The following DSE variants were observed in gnomAD, a reference collection of about 807,000 sequenced individuals.
DSE encodes dermatan sulfate epimerase.
A neutral mutation model predicts 84.4 loss-of-function variants in DSE; 36 were observed. That is an observed-to-expected ratio of 0.43 (90% CI 0.33 to 0.56). The LOEUF is 0.56. Among genes scored for constraint, DSE ranks in the 20% least tolerant of loss-of-function variants. The pLI is 0.06. For synonymous variants in DSE, 410 were observed against 430.1 expected (o/e 0.95, Z 0.58); for missense variants, 862 against 1,169.6 (o/e 0.74, Z 3.84).
Position 116,436,417 on chromosome 6 carries a change from C to G in DSE, c.1949C>G (p.Thr650Ser). The change falls in exon 6 of 6, where the codon ACC (threonine) becomes AGC (serine). Residue 650 changes from threonine to serine, a missense_variant. This residue lies in a region of DSE where 186 missense variants were observed against 255.1 expected (regional missense o/e 0.73). Coordinates refer to ENST00000644252, the MANE Select transcript of DSE (RefSeq NM_013352.4). ...AATGGGACAAACTATGTGAATGTCA[C>G]CATGCACCTCCGAAGTCCCATCACC... ...PYNGTNYVNV[T>S]MHLRSPITRA... The G allele has an allele frequency of 6.2e-7, 1 of 1,614,164 alleles. No homozygotes were observed. The highest frequency in any genetic ancestry group is 8.5e-7 in the Non-Finnish European group (1 of 1,180,012).
intron 2 of DSE, among the ~76,000 whole-genome samples, chr6:116,406,864 C>G (rs1781962999): frequency 2.0e-5 from 3 of 152,094 alleles, no homozygotes; most frequent in Non-Finnish European, 2.9e-5. Context: ...CATTGCTTAT[C>G]CCACATAAGC....
chr6:116,326,010 C>T (rs1295906883), intron 2 of DSE, among the ~76,000 whole-genome samples: 1 of 152,198 alleles, frequency 6.6e-6, no homozygotes, highest in Non-Finnish European at 1.5e-5. Flanking sequence ...CAGGGATTTT[C>T]ACAGTGCTTT....
chr6:116,258,631 G>C, exon 2 of DSE: 2 of 1,612,408 alleles, frequency 1.2e-6, no homozygotes, highest in Non-Finnish European at 1.7e-6. Flanking sequence ...GTTCCGGAAG[G>C]CAGCCTCACG....
At chr6:116,291,784 T>G (rs1774294450) in intron 2 of DSE, among the ~76,000 whole-genome samples, 1 of 152,124 alleles carries the variant, frequency 6.6e-6, no homozygotes, top group African/African-American at 2.4e-5. Context: ...GATGAGGATA[T>G]CTTTAGGAAT....
In DSE at chr6:116,276,932, A is replaced by C. The variant is rs1014119103; in HGVS notation, c.-54+17965A>C. 1.3e-5 allele frequency: 2 copies of C among 152,224 alleles called. 1 individual carries two copies. The highest frequency in any genetic ancestry group is 1.3e-4 in the Admixed American group (2 of 15,288). The allele number at this position is 152,224 out of a possible 1,614,324, so 9.4% of individuals were successfully genotyped here. A position where few individuals can be genotyped will look rare whatever the true frequency, so the allele number is the denominator to read the frequency against. ...ACTTTTGTAGATTATTTTTCCATGA[A>C]GGCAATTTGACAAGCCTAACAAAGA... On this transcript the variant is annotated intron_variant, in intron 2 of 3. Coordinates refer to the DSE transcript ENST00000430252.
rs1261473868 is a variant in DSE, at chr6:116,337,819, TAGTA to T, written c.-53-61376_-53-61373del. ...TTTACATACTTCTTATGACCATTAT[TAGTA>T]AGCAAAAATGTGTAATTTTGTTTTT... On this transcript the variant is annotated intron_variant, in intron 2 of 3. Coordinates refer to the DSE transcript ENST00000430252. Among the ~76,000 whole-genome samples the T allele has an allele frequency of 3.3e-5, 5 of 152,212 alleles. No individual in the cohort carries two copies. The South Asian group carries it at 6.2e-4, about 19-fold the overall frequency.
chr6:116,281,847 C>T (rs1413217295), intron 2 of DSE, among the ~76,000 whole-genome samples: 1 of 152,218 alleles, frequency 6.6e-6, no homozygotes, highest in Non-Finnish European at 1.5e-5. Flanking sequence ...TGCTCTCCTT[C>T]CTATCTGCCA....
At position 116,436,026 on chromosome 6, in the gene DSE, A is replaced by G; in HGVS notation, c.1558A>G (p.Ser520Gly). Residue 520 changes from serine to glycine, a missense_variant, in exon 6 of 6, where the codon AGT (serine) becomes GGT (glycine). Physicochemically the swap from Ser to Gly is moderately conservative, Grantham distance 56. Around this residue, in one of 4 missense-constraint regions of DSE, gnomAD observed 186 missense variants for 255.1 expected, o/e 0.73. Transcript: ENST00000644252. Reference protein sequence around the residue: ...WSKYKHDLAASCQGRVVAAEE... With the variant: ...WSKYKHDLAAGCQGRVVAAEE... ...TAAATACAAGCATGACCTGGCAGCT[A>G]GTTGTCAGGGGAGGGTGGTTGCAGC... 1 of 1,614,144 alleles carries G rather than the reference A, an allele frequency of 6.2e-7. No individual in the cohort carries two copies. The highest frequency in any genetic ancestry group is 1.3e-5 in the African/African-American group (1 of 75,042).
At chr6:116,284,929 T>A (rs1437511940) in intron 2 of DSE, among the ~76,000 whole-genome samples, 3 of 152,146 alleles carry the variant, frequency 2.0e-5, no homozygotes, top group Non-Finnish European at 4.4e-5. Flanking sequence ...TTGATGGACA[T>A]TTGGGTTGGT....
chr6:116,394,915 G>A (rs1479911385), intron 1 of DSE, among the ~76,000 whole-genome samples: 2 of 152,178 alleles, frequency 1.3e-5, no homozygotes, highest in Non-Finnish European at 2.9e-5. Flanking sequence ...TGGTAATTTT[G>A]CCATGTTGAA....
chr6:116,439,200 T>C lies in DSE; in HGVS notation c.*1855T>C, dbSNP rs538832424. On this transcript the variant is annotated 3_prime_UTR_variant, in exon 6 of 6. Transcript: ENST00000644252. ...TGAAAGAAAAAAAAAAGGAAAATTATTCTTTGAGGTTACCAAGCAAACCTG... is the reference window on the plus strand; with the variant it reads ...TGAAAGAAAAAAAAAAGGAAAATTACTCTTTGAGGTTACCAAGCAAACCTG... 26 of 152,272 alleles carry C rather than the reference T, an allele frequency of 1.7e-4. No individual in the cohort carries two copies. The highest frequency in any genetic ancestry group is 1.4e-3 in the Admixed American group (22 of 15,298). The allele number at this position is 152,272 out of a possible 1,614,324, so 9.4% of individuals were successfully genotyped here.
At chr6:116,344,715 A>C (rs763603219) in intron 2 of DSE, among the ~76,000 whole-genome samples, 1 of 152,250 alleles carries the variant, frequency 6.6e-6, no homozygotes, top group Non-Finnish European at 1.5e-5. Context: ...AACTGCATCA[A>C]CTAATGAGCA....
intron 1 of DSE, chr6:116,256,285 A>C (rs1055946174): frequency 4.6e-5 from 7 of 152,230 alleles, no homozygotes; most frequent in Non-Finnish European, 8.8e-5. Context: ...AACATCATAC[A>C]GTACATCTAT....
chr6:116,369,100 C>T (rs1345221363), upstream of DSE, among the ~76,000 whole-genome samples: 1 of 152,134 alleles, frequency 6.6e-6, no homozygotes, highest in African/African-American at 2.4e-5. Context: ...TTGTGATCAT[C>T]TAGGAAGAGA....
intron 1 of DSE, among the ~76,000 whole-genome samples, chr6:116,390,539 A>G (rs1780837714): frequency 1.3e-5 from 2 of 152,226 alleles, no homozygotes; most frequent in Non-Finnish European, 2.9e-5. Flanking sequence ...AGCATAAAAA[A>G]TACACTTAAT....
rs536301538 is a variant in DSE, at chr6:116,304,101, C to T, written c.-54+45134C>T. Among the ~76,000 whole-genome samples the T allele has an allele frequency of 7.0e-4, 101 of 144,776 alleles. No homozygotes were observed. The South Asian group carries it at 8.3e-3, about 12-fold the overall frequency. The allele number at this position is 144,776 out of a possible 152,430, so 95.0% of individuals were successfully genotyped here. A position where few individuals can be genotyped will look rare whatever the true frequency, so the allele number is the denominator to read the frequency against. On this transcript the variant is annotated intron_variant, in intron 2 of 3. Transcript: ENST00000430252. Reference sequence around the variant, plus strand: ...TTGCACCACTGCACTCCAGCCTGGGCGACAGAGCAAGACTCCGTCTCAAAA... The same window carrying T: ...TTGCACCACTGCACTCCAGCCTGGGTGACAGAGCAAGACTCCGTCTCAAAA...
intron 1 of DSE, among the ~76,000 whole-genome samples, chr6:116,398,385 A>C (rs1001482166): frequency 6.6e-6 from 1 of 152,238 alleles, no homozygotes; most frequent in Admixed American, 6.5e-5. Context: ...TACATTTCTC[A>C]CTTACTGAAT....
chr6:116,389,923 T>G (rs1317131331), intron 1 of DSE, among the ~76,000 whole-genome samples: 2 of 151,994 alleles, frequency 1.3e-5, no homozygotes, highest in Non-Finnish European at 2.9e-5. Context: ...CATCTTTATT[T>G]TCAGGCAGAG....
At chr6:116,259,102 T>C (rs563157509) in intron 2 of DSE, 2 of 1,514,864 alleles carry the variant, frequency 1.3e-6, no homozygotes, top group Non-Finnish European at 1.8e-6. Flanking sequence ...TGCTGCTGTC[T>C]CCCACTCAGT....
Sources: allele counts gnomAD v4.1 joint callset (sites outside exome capture counted in the v4.1 genomes callset), GRCh38; gene constraint gnomAD v4.1.1; regional missense constraint gnomAD v4.1.1; transcripts MANE v1.5; gene names NCBI Gene and HGNC (gene_info 2026-07-23, HGNC 2026-07-21).